Variants in RABL2A observed in about 807,000 individuals in gnomAD.
The protein encoded by RABL2A is rab-like protein 2A.
Under a neutral mutation model 30.7 loss-of-function variants are expected in RABL2A, and 17 were observed. The ratio of observed to expected loss-of-function variants is 0.55; its 90% CI spans 0.38 to 0.83. The LOEUF (loss-of-function observed/expected upper bound fraction) is 0.83. Ranked by LOEUF, RABL2A falls within the 40% of genes least tolerant of loss-of-function variation. RABL2A has a pLI of 0.00. For synonymous variants in RABL2A, 64 were observed against 101.8 expected, an observed-to-expected ratio of 0.63 and a Z score of 2.24; for missense variants, 155 against 272.6, an observed-to-expected ratio of 0.57 and a Z score of 3.04.
Position 113,643,201 on chromosome 2 carries a change from A to T in RABL2A, c.*1072A>T, listed in dbSNP as rs895882814. On this transcript the variant is annotated 3_prime_UTR_variant, in exon 9 of 9. Transcript: ENST00000683472. ...TCCTTTTTTTTTAGGAATAGTTTGGACCTTGTGCCTCCTGTGGGAGGCTGA... is the reference window on the plus strand; with the variant it reads ...TCCTTTTTTTTTAGGAATAGTTTGGTCCTTGTGCCTCCTGTGGGAGGCTGA... The T allele has an allele frequency of 2.4e-5, 11 of 453,280 alleles. No individual in the cohort carries two copies. Among genetic ancestry groups the T allele is most frequent in the Non-Finnish European group, 4.4e-5 (10 of 225,742 alleles). 28.1% of individuals were successfully genotyped at this position (453,280 alleles called of 1,614,324 possible). A position where few individuals can be genotyped will look rare whatever the true frequency, so the allele number is the denominator to read the frequency against.
chr2:113,638,176 G>A, intron 5 of RABL2A: 1 of 985,412 alleles, frequency 1.0e-6, no homozygotes, highest in Non-Finnish European at 1.2e-6. Context: ...CCTTTATAAG[G>A]AGACTTCATC....
At chr2:113,640,859 T>A (rs563991598) in intron 5 of RABL2A, 35 bp from the exon 6 acceptor site, 1 of 1,613,556 alleles carries the variant, frequency 6.2e-7, no homozygotes, top group Admixed American at 1.7e-5. Context: ...AACATTGACA[T>A]ACCTGAGCTA....
chr2:113,632,737 C>T lies in RABL2A; in HGVS notation c.108-178C>T, dbSNP rs958581117. Among the ~76,000 whole-genome samples, 4 of 152,120 alleles carry T rather than the reference C, an allele frequency of 2.6e-5. No homozygotes were observed. The East Asian group carries it at 5.8e-4, about 22-fold the overall frequency. ...AGTGACATGAGCTGTTTTGTTATGA[C>T]GGGTTGGTAATGCTGATACCCAATT... On this transcript the variant is annotated intron_variant, in intron 2 of 8. Transcript: ENST00000683472.
chr2:113,640,684 A>C, intron 5 of RABL2A: 1 of 594,126 alleles, frequency 1.7e-6, no homozygotes. Flanking sequence ...GCCAAGAATA[A>C]GATTTTTAAA....
intron 1 of RABL2A, 57 bp from the exon 2 acceptor site, chr2:113,628,497 G>T: frequency 3.3e-6 from 5 of 1,530,736 alleles, no homozygotes; most frequent in Non-Finnish European, 4.4e-6. Context: ...TACAGCTGGA[G>T]ATTTGGTTGA....
At chr2:113,630,565 G>A (rs1341402486) in intron 2 of RABL2A, among the ~76,000 whole-genome samples, 3 of 152,014 alleles carry the variant, frequency 2.0e-5, no homozygotes, top group Admixed American at 6.5e-5. Context: ...GTGGCAGTGC[G>A]GCCTTCTTGC....
chr2:113,628,843 G>A (rs1679120001), intron 2 of RABL2A, 130 bp downstream of exon 2: 3 of 1,502,444 alleles, frequency 2.0e-6, no homozygotes, highest in South Asian at 2.4e-5. Flanking sequence ...GAGCCCAGAT[G>A]TTCATGGGGG....
At chr2:113,639,482 C>G (rs538271824) in intron 5 of RABL2A, among the ~76,000 whole-genome samples, 1 of 152,002 alleles carries the variant, frequency 6.6e-6, no homozygotes, top group African/African-American at 2.4e-5. Flanking sequence ...ATTAGCCAGG[C>G]ATGGTGGTGC....
chr2:113,634,643 G>T (rs1559156029), intron 4 of RABL2A: 1 of 409,372 alleles, frequency 2.4e-6, no homozygotes, highest in Non-Finnish European at 4.6e-6. Flanking sequence ...CTTCCATCGG[G>T]TCATAATCTT....
At chr2:113,629,491 C>G (rs184165494) in intron 2 of RABL2A, among the ~76,000 whole-genome samples, 4 of 152,026 alleles carry the variant, frequency 2.6e-5, no homozygotes, top group African/African-American at 9.7e-5. Flanking sequence ...CTCTCTCTCT[C>G]TCTCTTCCCC....
chr2:113,630,796 C>G (rs968900828), intron 2 of RABL2A, among the ~76,000 whole-genome samples: 1 of 152,194 alleles, frequency 6.6e-6, no homozygotes, highest in African/African-American at 2.4e-5. Flanking sequence ...CACATGCCAC[C>G]TTCCTGAGCT....
intron 5 of RABL2A, chr2:113,638,480 T>C (rs1438225107): frequency 1.0e-6 from 1 of 985,334 alleles, no homozygotes; most frequent in Non-Finnish European, 1.2e-6. Context: ...GTGAAGGGCA[T>C]GAAGGCTCAC....
intron 5 of RABL2A, chr2:113,638,182 T>G: frequency 2.0e-6 from 2 of 985,382 alleles, no homozygotes; most frequent in Non-Finnish European, 2.4e-6. Context: ...TAAGGAGACT[T>G]CATCGGGAAT....
At position 113,641,350 on chromosome 2, in the gene RABL2A, C is replaced by T. The variant is rs375744501; in HGVS notation, c.410-3C>T. The T allele has an allele frequency of 5.6e-6, 9 of 1,613,690 alleles. No homozygotes were observed. In the African/African-American group the frequency reaches 6.7e-5, roughly 12 times the overall value. ...AGACCAATGTCCTACCTTCTCTCTA[C>T]AGCAGACATAAACGTGACCCAAAAA... On this transcript the variant is annotated splice_polypyrimidine_tract_variant and splice_region_variant and intron_variant, in intron 6 of 8. Coordinates refer to ENST00000683472, the MANE Select transcript of RABL2A (RefSeq NM_001306158.2).
intron 2 of RABL2A, among the ~76,000 whole-genome samples, chr2:113,630,102 TC>T (rs753955855): frequency 5.3e-5 from 8 of 152,184 alleles, no homozygotes; most frequent in Admixed American, 1.3e-4. Flanking sequence ...ATGCCTCATT[TC>T]AAACAGTAAC....
chr2:113,630,608 A>C (rs1007863836), intron 2 of RABL2A, among the ~76,000 whole-genome samples: 1 of 151,378 alleles, frequency 6.6e-6, no homozygotes, highest in African/African-American at 2.4e-5. Flanking sequence ...TAGCAGCCCC[A>C]GTCACCAGGC....
chr2:113,636,572 T>G (rs1384120062), intron 5 of RABL2A, among the ~76,000 whole-genome samples: 2 of 152,118 alleles, frequency 1.3e-5, no homozygotes, highest in Non-Finnish European at 2.9e-5. Flanking sequence ...ATATGTGGCA[T>G]CTCTCTGTCC....
chr2:113,635,571 C>A lies in RABL2A; in HGVS notation c.297+441C>A, dbSNP rs554584756. 5 of 275,902 alleles carry A rather than the reference C, an allele frequency of 1.8e-5. No individual in the cohort carries two copies. The Admixed American group carries it at 2.4e-4, about 13-fold the overall frequency. 17.1% of individuals were successfully genotyped at this position (275,902 alleles called of 1,614,324 possible). A position where few individuals can be genotyped will look rare whatever the true frequency, so the allele number is the denominator to read the frequency against. On this transcript the variant is annotated intron_variant, in intron 5 of 8. Coordinates refer to ENST00000683472, the MANE Select transcript of RABL2A (RefSeq NM_001306158.2). Reference sequence around the variant, plus strand: ...CTCTCAGGCCAGCCCCTCGCCTCCCCCCGAGCCTCCCATTGTGTTGCCCGG... The same window carrying A: ...CTCTCAGGCCAGCCCCTCGCCTCCCACCGAGCCTCCCATTGTGTTGCCCGG...
intron 2 of RABL2A, among the ~76,000 whole-genome samples, chr2:113,631,275 A>G (rs1383323482): frequency 2.6e-5 from 4 of 152,230 alleles, no homozygotes; most frequent in Non-Finnish European, 2.9e-5. Context: ...TAGCTGTCTA[A>G]CTTGGCCTTT....
Sources: allele counts gnomAD v4.1 joint callset (sites outside exome capture counted in the v4.1 genomes callset), GRCh38; gene constraint gnomAD v4.1.1; transcripts MANE v1.5; gene names NCBI Gene and HGNC (gene_info 2026-07-23, HGNC 2026-07-21).